Variants in CDK19 observed in about 807,000 individuals in gnomAD.
CDK19 encodes the protein cyclin-dependent kinase 19.
In CDK19, 20 loss-of-function variants were observed where a neutral mutation model predicts 68.3. The observed-to-expected ratio is 0.29, with a 90% CI of 0.21 to 0.43. The LOEUF (loss-of-function observed/expected upper bound fraction) is 0.43, where lower values mean the gene tolerates loss of function less well. Among genes scored for constraint, CDK19 ranks in the 20% least tolerant of loss-of-function variants. CDK19 has a pLI of 1.00. For missense variants in CDK19, 339 were observed against 623.5 expected (o/e 0.54, Z 4.86); for synonymous variants, 221 against 222.8 (o/e 0.99, Z 0.07).
At chr6:110,782,147 C>A (rs1001578341) in intron 1 of CDK19, among the ~76,000 whole-genome samples, 1 of 152,160 alleles carries the variant, frequency 6.6e-6, no homozygotes, top group African/African-American at 2.4e-5. Flanking sequence ...TGTACCCTCC[C>A]CTTCTAAATA....
intron 2 of CDK19, among the ~76,000 whole-genome samples, chr6:110,673,143 C>A (rs1341262970): frequency 6.6e-6 from 1 of 152,098 alleles, no homozygotes; most frequent in East Asian, 1.9e-4. Flanking sequence ...TAATTTATGT[C>A]TCTATGAATT....
chr6:110,678,946 C>T (rs1771762991), intron 2 of CDK19, among the ~76,000 whole-genome samples: 1 of 152,184 alleles, frequency 6.6e-6, no homozygotes, highest in African/African-American at 2.4e-5. Flanking sequence ...TATTCCTGAT[C>T]TGTACACGTA....
intron 4 of CDK19, among the ~76,000 whole-genome samples, chr6:110,645,452 A>G (rs540834456): frequency 1.2e-4 from 18 of 152,338 alleles, no homozygotes; most frequent in African/African-American, 4.3e-4. Flanking sequence ...TATGTTAGGA[A>G]GAGAAAAAGG....
At chr6:110,681,192 A>G (rs374258474) in intron 2 of CDK19, among the ~76,000 whole-genome samples, 29 of 152,076 alleles carry the variant, frequency 1.9e-4, no homozygotes, top group African/African-American at 5.5e-4. Context: ...CTAAAAATAC[A>G]AAAATCAGCC....
intron 2 of CDK19, among the ~76,000 whole-genome samples, chr6:110,723,133 G>C (rs1386867356): frequency 9.4e-5 from 6 of 63,856 alleles, no homozygotes; most frequent in Non-Finnish European, 1.4e-4. Context: ...TCAAGGCTTT[G>C]TCAAAAAAAA....
At chr6:110,805,243 G>A (rs966560063) in intron 1 of CDK19, among the ~76,000 whole-genome samples, 1 of 151,886 alleles carries the variant, frequency 6.6e-6, no homozygotes, top group African/African-American at 2.4e-5. Context: ...GATACTACTG[G>A]TTTTAAAGAA....
chr6:110,683,302 G>A (rs1336541228), intron 2 of CDK19, among the ~76,000 whole-genome samples: 1 of 151,866 alleles, frequency 6.6e-6, no homozygotes, highest in Non-Finnish European at 1.5e-5. Context: ...AGAGTAAATC[G>A]GATAATCCAG....
Position 110,718,955 on chromosome 6 carries a change from G to A in CDK19, c.204+27171C>T, listed in dbSNP as rs530737194. On this transcript the variant is annotated intron_variant, in intron 2 of 12. Coordinates refer to ENST00000368911, the MANE Select transcript of CDK19 (RefSeq NM_015076.5). ...AAATAGCAGGAGGGAAAGATATGAGGTAAAGAGTTCTAAAGTCCTTGTACT... is the reference window on the plus strand; with the variant it reads ...AAATAGCAGGAGGGAAAGATATGAGATAAAGAGTTCTAAAGTCCTTGTACT... Among the ~76,000 whole-genome samples, 3 of 152,142 alleles carry A rather than the reference G, an allele frequency of 2.0e-5. No homozygotes were observed. The South Asian group carries it at 6.2e-4, about 32-fold the overall frequency.
Position 110,797,480 on chromosome 6 carries a change from T to C in CDK19, c.128+17529A>G, listed in dbSNP as rs372850417. ...AGACTTTGATTTCCTTAATAACCCA[T>C]TTCTGTTAACCTCTTATTAAGAAAG... On this transcript the variant is annotated intron_variant, in intron 1 of 12. Coordinates refer to ENST00000368911, the MANE Select transcript of CDK19 (RefSeq NM_015076.5). Among the ~76,000 whole-genome samples, 112 of 152,164 alleles carry C rather than the reference T, an allele frequency of 7.4e-4. 1 individual carries two copies. Among genetic ancestry groups the C allele is most frequent in the African/African-American group, 2.6e-3 (107 of 41,520 alleles).
At chr6:110,799,230 A>G (rs1782181271) in intron 1 of CDK19, among the ~76,000 whole-genome samples, 1 of 147,540 alleles carries the variant, frequency 6.8e-6, no homozygotes, top group East Asian at 2.1e-4. Context: ...ATAGAATACA[A>G]AGAAAAACTA....
chr6:110,780,727 C>A (rs1204141285), intron 1 of CDK19, among the ~76,000 whole-genome samples: 1 of 151,966 alleles, frequency 6.6e-6, no homozygotes, highest in East Asian at 1.9e-4. Flanking sequence ...AATTAAAATA[C>A]TGAATGATGA....
intron 2 of CDK19, among the ~76,000 whole-genome samples, chr6:110,743,770 G>A (rs1387835039): frequency 2.0e-5 from 3 of 151,996 alleles, no homozygotes; most frequent in African/African-American, 7.3e-5. Flanking sequence ...GTTTCAAAAA[G>A]GACATTTATA....
chr6:110,652,806 A>G (rs1430410568), intron 4 of CDK19, among the ~76,000 whole-genome samples: 1 of 152,196 alleles, frequency 6.6e-6, no homozygotes, highest in African/African-American at 2.4e-5. Context: ...GTTAGTAGAG[A>G]ATACCTTTGA....
intron 4 of CDK19, among the ~76,000 whole-genome samples, chr6:110,644,149 G>A (rs760151051): frequency 5.9e-5 from 9 of 151,906 alleles, no homozygotes; most frequent in Non-Finnish European, 7.4e-5. Flanking sequence ...AAAATTAGCC[G>A]GGCATGATGG....
rs1778715644 is a variant in CDK19, at chr6:110,621,508, G to A, written c.1111-138C>T. 1 of 825,758 alleles carries A rather than the reference G, an allele frequency of 1.2e-6. No individual in the cohort carries two copies. The highest frequency in any genetic ancestry group is 1.7e-5 in the African/African-American group (1 of 58,714). The allele number at this position is 825,758 out of a possible 1,614,324, so 51.2% of individuals were successfully genotyped here. ...GGACACTAGAGTGATGGGGAGGACT[G>A]GAGAATGGAGCAGCCAGGGAACACA... On this transcript the variant is annotated intron_variant, in intron 11 of 12. Transcript: ENST00000368911. The surrounding 1 kb of genome is among the most constrained non-coding windows in gnomAD (Gnocchi z 5.4).
At chr6:110,693,830 T>C (rs1249480138) in intron 2 of CDK19, among the ~76,000 whole-genome samples, 1 of 152,002 alleles carries the variant, frequency 6.6e-6, no homozygotes, top group Non-Finnish European at 1.5e-5. Context: ...ACAAAAGACA[T>C]AAATGCTTGG....
At chr6:110,691,641 TA>T (rs934997933) in intron 2 of CDK19, among the ~76,000 whole-genome samples, 16 of 151,294 alleles carry the variant, frequency 1.1e-4, no homozygotes, top group African/African-American at 1.9e-4. Flanking sequence ...TTTATTTTAT[TA>T]TTATTATTTT....
intron 2 of CDK19, among the ~76,000 whole-genome samples, chr6:110,744,780 T>C (rs576893994): frequency 6.6e-6 from 1 of 152,292 alleles, no homozygotes; most frequent in African/African-American, 2.4e-5. Context: ...AGTTCCCTTA[T>C]TTAACAGATG....
intron 4 of CDK19, among the ~76,000 whole-genome samples, chr6:110,666,018 C>T (rs1160691916): frequency 6.6e-6 from 1 of 151,834 alleles, no homozygotes; most frequent in Non-Finnish European, 1.5e-5. Context: ...GCTGGGACTA[C>T]AGGCATGAGC....
Sources: gnomAD v4.1 joint callset for allele counts (sites outside exome capture counted in the v4.1 genomes callset) on GRCh38, gnomAD v4.1.1 for gene constraint, Gnocchi (gnomAD v3.1) non-coding constraint, MANE v1.5 for transcripts, NCBI Gene and HGNC (gene_info 2026-07-23, HGNC 2026-07-21) for gene names.